MCU: variants seen among roughly 807,000 people sequenced by gnomAD.
The protein encoded by MCU is calcium uniporter protein, mitochondrial.
MCU carries 12 observed loss-of-function variants against 45.2 expected under a neutral mutation model. The observed-to-expected ratio is 0.27, with a 90% confidence interval of 0.17 to 0.43. The LOEUF (loss-of-function observed/expected upper bound fraction) is 0.43. Ranked by LOEUF, MCU falls within the 20% of genes least tolerant of loss-of-function variation. The pLI is 1.00. For missense variants in MCU, 324 were observed against 436.7 expected, an observed-to-expected ratio of 0.74 and a Z score of 2.30; for synonymous variants, 160 against 165.1, an observed-to-expected ratio of 0.97 and a Z score of 0.24.
intron 2 of MCU, among the ~76,000 whole-genome samples, chr10:72,841,920 G>A (rs1845053943): frequency 6.6e-6 from 1 of 152,220 alleles, no homozygotes; most frequent in African/African-American, 2.4e-5. Flanking sequence ...ATTAGTACAG[G>A]AGGAGTTTAA....
chr10:72,764,268 T>C (rs1021439761), intron 1 of MCU, among the ~76,000 whole-genome samples: 4 of 152,224 alleles, frequency 2.6e-5, no homozygotes, highest in African/African-American at 9.6e-5. Flanking sequence ...GCTTTCCAAA[T>C]AGCCCATTAT....
intron 1 of MCU, among the ~76,000 whole-genome samples, chr10:72,833,088 G>T (rs1193087980): frequency 6.6e-6 from 1 of 152,102 alleles, no homozygotes; most frequent in African/African-American, 2.4e-5. Context: ...TAGAATGTTA[G>T]TTAAAACAAT....
chr10:72,753,375 A>T (rs924855556), intron 1 of MCU, among the ~76,000 whole-genome samples: 6 of 152,224 alleles, frequency 3.9e-5, no homozygotes, highest in African/African-American at 1.4e-4. Context: ...TCGTTGTTAC[A>T]TTGTACAATA....
chr10:72,761,054 T>C (rs145703355), intron 1 of MCU, among the ~76,000 whole-genome samples: 3 of 152,188 alleles, frequency 2.0e-5, no homozygotes, highest in Admixed American at 1.3e-4. Flanking sequence ...TAGAATGTTA[T>C]AAGTTGGAAA....
chr10:72,766,368 CCA>C (rs1295986299), intron 1 of MCU, among the ~76,000 whole-genome samples: 1 of 152,120 alleles, frequency 6.6e-6, no homozygotes, highest in Non-Finnish European at 1.5e-5. Flanking sequence ...TCAAGGTTTG[CCA>C]CAGTCTCTGC....
intron 1 of MCU, among the ~76,000 whole-genome samples, chr10:72,780,691 C>T (rs1176608435): frequency 6.6e-6 from 1 of 152,050 alleles, no homozygotes; most frequent in Non-Finnish European, 1.5e-5. Flanking sequence ...CTCCTGCTGC[C>T]CTCTCCTAAC....
intron 1 of MCU, among the ~76,000 whole-genome samples, chr10:72,748,591 A>G (rs750818580): frequency 7.2e-5 from 11 of 152,136 alleles, no homozygotes; most frequent in Non-Finnish European, 1.6e-4. Flanking sequence ...CCTAGAGGGG[A>G]GAATCATTTG....
intron 2 of MCU, among the ~76,000 whole-genome samples, chr10:72,858,750 G>T (rs1845331932): frequency 6.6e-6 from 1 of 152,146 alleles, no homozygotes; most frequent in African/African-American, 2.4e-5. Flanking sequence ...TGGAGTAAGA[G>T]TCTCACTTAT....
chr10:72,707,330 C>A (rs1842835669), intron 1 of MCU, among the ~76,000 whole-genome samples: 1 of 151,344 alleles, frequency 6.6e-6, no homozygotes, highest in Non-Finnish European at 1.5e-5. Flanking sequence ...TCCCGAGTAG[C>A]TGGGATTATA....
chr10:72,832,550 G>A (rs951799566), intron 1 of MCU, among the ~76,000 whole-genome samples: 2 of 152,166 alleles, frequency 1.3e-5, no homozygotes, highest in Admixed American at 6.5e-5. Flanking sequence ...CAACTTCAAA[G>A]TGCTTCTCAG....
intron 1 of MCU, among the ~76,000 whole-genome samples, chr10:72,723,726 C>T (rs1182595101): frequency 2.0e-5 from 3 of 152,188 alleles, no homozygotes; most frequent in African/African-American, 7.2e-5. Flanking sequence ...TTTGTGCTTG[C>T]AACGTGCTTT....
intron 6 of MCU, among the ~76,000 whole-genome samples, chr10:72,873,371 C>T (rs1278076310): frequency 3.3e-5 from 5 of 152,048 alleles, no homozygotes; most frequent in Non-Finnish European, 4.4e-5. Context: ...TGAGCATTTC[C>T]TCATATACCT....
At chr10:72,780,381 T>C (rs773291179) in intron 1 of MCU, among the ~76,000 whole-genome samples, 1 of 152,146 alleles carries the variant, frequency 6.6e-6, no homozygotes, top group Non-Finnish European at 1.5e-5. Context: ...TAATTGTACA[T>C]TTTAAAAGGG....
intron 1 of MCU, chr10:72,692,589 C>T (rs1020636113): frequency 9.1e-7 from 1 of 1,098,726 alleles, no homozygotes; most frequent in South Asian, 4.2e-5. Context: ...AACCTCTCCC[C>T]GACTCGCCCC....
At chr10:72,873,829 T>G (rs1436476848) in intron 6 of MCU, among the ~76,000 whole-genome samples, 4 of 152,228 alleles carry the variant, frequency 2.6e-5, no homozygotes, top group Admixed American at 2.6e-4. Context: ...GGTTATCTAG[T>G]TTTCCCAGCA....
At chr10:72,875,585 C>T (rs1845605158) in intron 6 of MCU, among the ~76,000 whole-genome samples, 1 of 152,202 alleles carries the variant, frequency 6.6e-6, no homozygotes, top group Non-Finnish European at 1.5e-5. Context: ...ATCTTATTAC[C>T]TCTGAAGCAA....
At chr10:72,805,153 T>TTCTTTCTTTCTA (rs1844422066) in intron 1 of MCU, among the ~76,000 whole-genome samples, 1 of 129,634 alleles carries the variant, frequency 7.7e-6, no homozygotes, top group Non-Finnish European at 1.6e-5. Flanking sequence ...CTTTCTTTCT[T>TTCTTTCTTTCTA]TCTTTCTGTC....
At chr10:72,805,116 T>C (rs550932420) in intron 1 of MCU, among the ~76,000 whole-genome samples, 1 of 129,046 alleles carries the variant, frequency 7.7e-6, no homozygotes, top group Non-Finnish European at 1.6e-5. Flanking sequence ...TCTTTCTTTC[T>C]TTCTTTCTTT....
chr10:72,695,965 C>T (rs1267894204), intron 1 of MCU, among the ~76,000 whole-genome samples: 2 of 151,006 alleles, frequency 1.3e-5, no homozygotes, highest in East Asian at 3.9e-4. Context: ...AGTTGGAGAC[C>T]AGCCTGGCCA....
Sources: allele counts gnomAD v4.1 joint callset (sites outside exome capture counted in the v4.1 genomes callset), GRCh38; gene constraint gnomAD v4.1.1; transcripts MANE v1.5; gene names NCBI Gene and HGNC (gene_info 2026-07-23, HGNC 2026-07-21).